Variants in PTPRT observed in about 807,000 individuals in gnomAD.
PTPRT encodes the protein protein tyrosine phosphatase receptor type T.
Under a neutral mutation model 176.8 loss-of-function variants are expected in PTPRT, and 56 were observed. The observed-to-expected ratio is 0.32, with a 90% confidence interval of 0.26 to 0.40. The LOEUF (loss-of-function observed/expected upper bound fraction) is 0.40, where lower values mean the gene tolerates loss of function less well. Ranked by LOEUF, PTPRT falls within the 10% of genes least tolerant of loss-of-function variation. The probability of loss-of-function intolerance (pLI) is 1.00; values close to 1 mark genes in which losing one functional copy is unlikely to be tolerated. For synonymous variants in PTPRT, 783 were observed against 739.0 expected (o/e 1.06, Z -0.96); for missense variants, 1,540 against 1,908.2 (o/e 0.81, Z 3.60).
chr20:43,159,844 A>G (rs968505278), intron 1 of PTPRT, among the ~76,000 whole-genome samples: 2 of 152,006 alleles, frequency 1.3e-5, no homozygotes, highest in Non-Finnish European at 2.9e-5. Context: ...CGCCCCGACC[A>G]TGTCAAGGCC....
intron 7 of PTPRT, among the ~76,000 whole-genome samples, chr20:42,634,045 ATATATATTATAAATAT>A (rs1569038762): frequency 7.6e-4 from 23 of 30,232 alleles, no homozygotes; most frequent in African/African-American, 4.0e-3. Context: ...TATATATTAT[ATATATATTATAAATAT>A]ATAATATATA....
intron 17 of PTPRT, among the ~76,000 whole-genome samples, chr20:42,143,341 G>A (rs964143475): frequency 6.6e-6 from 1 of 152,050 alleles, no homozygotes; most frequent in Non-Finnish European, 1.5e-5. Context: ...GGATCACGAG[G>A]TCAGGAGATC....
intron 2 of PTPRT, among the ~76,000 whole-genome samples, chr20:42,802,059 G>C (rs566911962): frequency 6.6e-6 from 1 of 152,286 alleles, no homozygotes; most frequent in East Asian, 1.9e-4. Context: ...CTGAAACAGC[G>C]GTTCCCAAAT....
At chr20:42,225,516 C>T (rs1198282160) in intron 15 of PTPRT, among the ~76,000 whole-genome samples, 1 of 152,148 alleles carries the variant, frequency 6.6e-6, no homozygotes, top group African/African-American at 2.4e-5. Context: ...CTATAGCATT[C>T]CTTTCTTCCA....
chr20:42,391,558 A>G (rs571397421), intron 9 of PTPRT, among the ~76,000 whole-genome samples: 106 of 152,260 alleles, frequency 7.0e-4, no homozygotes, highest in Non-Finnish European at 1.2e-3. Context: ...GGAGGGACCA[A>G]AGACCAGCGA....
At chr20:43,008,525 T>C (rs755400776) in intron 1 of PTPRT, among the ~76,000 whole-genome samples, 3 of 151,894 alleles carry the variant, frequency 2.0e-5, no homozygotes, top group Non-Finnish European at 4.4e-5. Context: ...ACCCCATCTC[T>C]ACTAAAAATA....
intron 16 of PTPRT, among the ~76,000 whole-genome samples, chr20:42,185,368 T>C (rs1990734326): frequency 6.6e-6 from 1 of 152,224 alleles, no homozygotes; most frequent in Admixed American, 6.5e-5. Flanking sequence ...GGTCTGAAGA[T>C]CACCAGCTGA....
intron 22 of PTPRT, among the ~76,000 whole-genome samples, chr20:42,112,646 G>A (rs1484185536): frequency 6.6e-6 from 1 of 152,092 alleles, no homozygotes; most frequent in African/African-American, 2.4e-5. Context: ...TCTCTGCTGA[G>A]GCCACTTCCT....
At chr20:42,447,639 T>C (rs1475530008) in intron 9 of PTPRT, among the ~76,000 whole-genome samples, 1 of 152,182 alleles carries the variant, frequency 6.6e-6, no homozygotes, top group Non-Finnish European at 1.5e-5. Flanking sequence ...GCACATTGTG[T>C]TGGCTTGATG....
Position 42,667,477 on chromosome 20 carries a change from G to A in PTPRT, c.1153+10389C>T, listed in dbSNP as rs74534326. Among the ~76,000 whole-genome samples the A allele has an allele frequency of 2.6e-3, 402 of 152,260 alleles. 1 individual carries two copies. Among genetic ancestry groups the A allele is most frequent in the African/African-American group, 9.4e-3 (389 of 41,550 alleles). The stretch of plus-strand genomic sequence containing the variant: ...CACTTTCTTTACATTGTCATCTCAA[G>A]TGTGACAGAGCTGTAAGAGTGATTG... On this transcript the variant is annotated intron_variant, in intron 7 of 30. Coordinates refer to ENST00000373187, the MANE Select transcript of PTPRT (RefSeq NM_007050.6).
intron 7 of PTPRT, among the ~76,000 whole-genome samples, chr20:42,536,458 A>T (rs2072478101): frequency 6.6e-6 from 1 of 152,180 alleles, no homozygotes; most frequent in Non-Finnish European, 1.5e-5. Flanking sequence ...TTCTACCTGC[A>T]GTCCCTAATA....
In PTPRT at chr20:42,448,283, C is replaced by T. The variant is rs761698421; in HGVS notation, c.1497G>A (p.Glu499=). The change falls in exon 9 of 31, where the codon GAG becomes GAA. Residue 499 remains glutamate, a synonymous_variant. Coordinates refer to ENST00000373187, the MANE Select transcript of PTPRT (RefSeq NM_007050.6). ...GTTTCCACTGGATGTAGATCTTCTC[C>T]TCAAAGGGCCCCCCTTGGATGGATT... is the stretch of plus-strand genomic sequence containing the variant. ...PLESIQGGPF[E]EKIYIQWKPP... is the part of the protein sequence containing the mutation. 6.2e-7 allele frequency: 1 copy of T among 1,613,504 alleles called. No homozygotes were observed. Among genetic ancestry groups the T allele is most frequent in the South Asian group, 1.1e-5 (1 of 91,066 alleles).
At chr20:42,397,726 A>G (rs1164037672) in intron 9 of PTPRT, among the ~76,000 whole-genome samples, 1 of 152,122 alleles carries the variant, frequency 6.6e-6, no homozygotes, top group Non-Finnish European at 1.5e-5. Context: ...GGTCTTTGCT[A>G]TTGTGACTAG....
At chr20:42,384,646 A>G (rs546457571) in intron 9 of PTPRT, among the ~76,000 whole-genome samples, 7 of 152,342 alleles carry the variant, frequency 4.6e-5, no homozygotes, top group East Asian at 3.9e-4. Flanking sequence ...GCTGGGTCAC[A>G]TGGTAATTCT....
rs529524800 is a variant in PTPRT at position 42,518,125 on chromosome 20, T to C, written c.1154-45563A>G. 1.9e-4 allele frequency among the ~76,000 whole-genome samples: 29 copies of C among 152,174 alleles called. 1 individual carries two copies. The South Asian group carries it at 6.0e-3, about 32-fold the overall frequency. On this transcript the variant is annotated intron_variant, in intron 7 of 30. Transcript: ENST00000373187. ...CATGTTAATACTGTCATACTCAGTT[T>C]AGAGGTGGTTATATCTTCAGGATGA...
At chr20:42,118,556 G>T in intron 20 of PTPRT, 56 bp from the exon 21 acceptor site, 1 of 1,479,030 alleles carries the variant, frequency 6.8e-7, no homozygotes, top group Non-Finnish European at 9.1e-7. Context: ...CAGCAGCTGA[G>T]AAGGTTTGTC....
chr20:42,084,930 C>T, intron 28 of PTPRT, 85 bp from the exon 29 acceptor site: 5 of 1,212,398 alleles, frequency 4.1e-6, no homozygotes, highest in Non-Finnish European at 5.3e-6. Flanking sequence ...ACTGCAGCAT[C>T]ATGGTGGAAG....
At chr20:42,727,456 C>T (rs927764089) in intron 6 of PTPRT, among the ~76,000 whole-genome samples, 3 of 152,054 alleles carry the variant, frequency 2.0e-5, no homozygotes, top group Non-Finnish European at 4.4e-5. Context: ...GTTTGGATGC[C>T]CTCCTTTATC....
intron 1 of PTPRT, among the ~76,000 whole-genome samples, chr20:42,924,330 T>A (rs993861782): frequency 3.9e-5 from 6 of 152,196 alleles, no homozygotes; most frequent in African/African-American, 1.4e-4. Context: ...GCCATGGCAT[T>A]TGTGTGTAAA....
Sources: allele counts gnomAD v4.1 joint callset (sites outside exome capture counted in the v4.1 genomes callset), GRCh38; gene constraint gnomAD v4.1.1; transcripts MANE v1.5; gene names NCBI Gene and HGNC (gene_info 2026-07-23, HGNC 2026-07-21).